PUDP: variants seen among roughly 807,000 people sequenced by gnomAD.
PUDP encodes pseudouridine-5'-phosphatase.
PUDP carries 8 observed loss-of-function variants against 9.4 expected under a neutral mutation model. The observed-to-expected ratio is 0.85, with a 90% CI of 0.50 to 1.53. The LOEUF is 1.53. Among genes scored for constraint, PUDP ranks in the 40% most tolerant of loss-of-function variants. The pLI is 0.00. For synonymous variants in PUDP, 99 were observed against 80.7 expected (o/e 1.23, Z -1.22); for missense variants, 188 against 189.7 (o/e 0.99, Z 0.05).
chrX:6,969,602 G>A (rs1030880223), intron 3 of PUDP, among the ~76,000 whole-genome samples: 7 of 112,388 alleles, frequency 6.2e-5, no homozygotes, highest in South Asian at 3.7e-4. Context: ...GGGCCCACAG[G>A]GCAGTGGCTC....
At chrX:6,851,006 C>G (rs987898382) in intron 3 of PUDP, among the ~76,000 whole-genome samples, 6 of 112,137 alleles carry the variant, frequency 5.4e-5, no homozygotes, top group African/African-American at 1.9e-4. Flanking sequence ...AATCACATCT[C>G]CCAGGCATCT....
intron 1 of PUDP, among the ~76,000 whole-genome samples, chrX:6,988,330 C>G (rs61022374): frequency 0.032 from 3,538 of 111,269 alleles, 151 homozygotes; most frequent in African/African-American, 0.11. Flanking sequence ...TGGACCAAAC[C>G]AATGGTCAGG....
chrX:6,942,875 G>C (rs2146777717), intron 3 of PUDP, among the ~76,000 whole-genome samples: 1 of 112,355 alleles, frequency 8.9e-6, no homozygotes, highest in Non-Finnish European at 1.9e-5. Flanking sequence ...ACAGCTGGAA[G>C]AGGCAAGGTA....
At chrX:7,053,135 G>A (rs932192643) in intron 3 of PUDP, among the ~76,000 whole-genome samples, 1 of 111,588 alleles carries the variant, frequency 9.0e-6, no homozygotes, top group Non-Finnish European at 1.9e-5. Context: ...CTTTGTGCAG[G>A]GTCCACCTGT....
chrX:6,984,992 AT>A (rs1206741214), intron 1 of PUDP, among the ~76,000 whole-genome samples: 1 of 112,016 alleles, frequency 8.9e-6, no homozygotes, highest in Non-Finnish European at 1.9e-5. Flanking sequence ...AAGTTTTATT[AT>A]GGAAAAGTGC....
At chrX:6,746,010 C>T (rs901117674) in intron 3 of PUDP, among the ~76,000 whole-genome samples, 1 of 112,029 alleles carries the variant, frequency 8.9e-6, no homozygotes, top group African/African-American at 3.2e-5. Flanking sequence ...GGGGCAAGAT[C>T]CACTGATCAC....
At chrX:7,131,295 T>G (rs1932613688) in intron 1 of PUDP, among the ~76,000 whole-genome samples, 1 of 111,539 alleles carries the variant, frequency 9.0e-6, no homozygotes, top group African/African-American at 3.3e-5. Context: ...TTGTAGTCAG[T>G]TGAAGGGTGG....
intron 3 of PUDP, among the ~76,000 whole-genome samples, chrX:6,920,541 C>A (rs1046361523): frequency 9.0e-6 from 1 of 111,703 alleles, no homozygotes; most frequent in African/African-American, 3.3e-5. Context: ...AAAGTCATCC[C>A]TCTGCTCACT....
intron 3 of PUDP, among the ~76,000 whole-genome samples, chrX:7,066,112 T>C (rs745580224): frequency 2.3e-4 from 26 of 112,027 alleles, no homozygotes; most frequent in African/African-American, 8.4e-4. Flanking sequence ...AGTGACTAGA[T>C]TGTATTTTTA....
chrX:6,791,124 A>C (rs1053962736), intron 3 of PUDP, among the ~76,000 whole-genome samples: 1 of 110,438 alleles, frequency 9.1e-6, no homozygotes, highest in Non-Finnish European at 1.9e-5. Context: ...GGGAGGCCAA[A>C]GTGGAAAGAT....
intron 1 of PUDP, among the ~76,000 whole-genome samples, chrX:7,039,168 G>A (rs61708320): frequency 0.044 from 4,920 of 110,794 alleles, 251 homozygotes; most frequent in African/African-American, 0.15. Context: ...TCAGCTCAGC[G>A]ATCTTCTGCC....
At chrX:7,107,876 C>T (rs778291012) in intron 1 of PUDP, among the ~76,000 whole-genome samples, 1 of 112,526 alleles carries the variant, frequency 8.9e-6, no homozygotes, top group East Asian at 2.8e-4. Context: ...ATATCTGCTC[C>T]TCCCAGATAG....
chrX:7,090,528 C>T (rs1257735926), intron 2 of PUDP, among the ~76,000 whole-genome samples: 3 of 111,742 alleles, frequency 2.7e-5, no homozygotes, highest in Non-Finnish European at 5.6e-5. Flanking sequence ...CTTAAAATCT[C>T]CTTATTAAAT....
intron 1 of PUDP, among the ~76,000 whole-genome samples, chrX:6,714,965 G>T (rs1235795627): frequency 2.9e-5 from 3 of 102,271 alleles, no homozygotes; most frequent in African/African-American, 1.2e-4. Flanking sequence ...ATAGATATGT[G>T]TGTGTATGTG....
intron 3 of PUDP, among the ~76,000 whole-genome samples, chrX:6,915,906 G>T (rs931797120): frequency 9.1e-6 from 1 of 110,355 alleles, no homozygotes; most frequent in African/African-American, 3.3e-5. Flanking sequence ...GGAGTCTCTG[G>T]GGCAGCAAAT....
chrX:7,109,509 T>C (rs770341668), intron 1 of PUDP, among the ~76,000 whole-genome samples: 3 of 112,352 alleles, frequency 2.7e-5, no homozygotes, highest in Non-Finnish European at 5.6e-5. Flanking sequence ...AGCTGTATCC[T>C]CTAAAAATGC....
intron 3 of PUDP, among the ~76,000 whole-genome samples, chrX:6,877,880 G>A (rs1927289102): frequency 8.9e-6 from 1 of 111,838 alleles, no homozygotes; most frequent in African/African-American, 3.2e-5. Flanking sequence ...TGGCTGAGTC[G>A]CTACTGTAGA....
chrX:6,808,201 T>C (rs899070698), intron 3 of PUDP, among the ~76,000 whole-genome samples: 2 of 111,629 alleles, frequency 1.8e-5, no homozygotes, highest in Non-Finnish European at 3.8e-5. Context: ...GTGATACATA[T>C]CTAAGTTCCT....
chrX:6,728,771 T>G (rs760320107), intron 3 of PUDP, among the ~76,000 whole-genome samples: 47 of 111,895 alleles, frequency 4.2e-4, no homozygotes, highest in Admixed American at 5.7e-4. Flanking sequence ...CCCATTACTT[T>G]TAGTAAACTC....
Sources: gnomAD v4.1 joint callset for allele counts (sites outside exome capture counted in the v4.1 genomes callset) on GRCh38, gnomAD v4.1.1 for gene constraint, MANE v1.5 for transcripts, NCBI Gene and HGNC (gene_info 2026-07-23, HGNC 2026-07-21) for gene names.